The following TPST1 variants were observed in gnomAD, a reference collection of about 807,000 sequenced individuals.
TPST1 encodes protein-tyrosine sulfotransferase 1.
In TPST1, 20 loss-of-function variants were observed where a neutral mutation model predicts 34.8. That is an observed-to-expected ratio of 0.57 (90% confidence interval 0.40 to 0.84). The LOEUF is 0.84. Ranked by LOEUF, TPST1 falls within the 40% of genes least tolerant of loss-of-function variation. The pLI is 0.00. For missense variants in TPST1, 353 were observed against 455.5 expected (o/e 0.78, Z 2.05); for synonymous variants, 152 against 159.4 (o/e 0.95, Z 0.35).
intron 3 of TPST1, among the ~76,000 whole-genome samples, chr7:66,349,895 C>T (rs190309408): frequency 2.6e-4 from 39 of 152,326 alleles, no homozygotes; most frequent in Non-Finnish European, 5.1e-4. Flanking sequence ...TCTTGACCCA[C>T]AGACAATAGG....
At chr7:66,315,624 C>T (rs768220320) in intron 3 of TPST1, among the ~76,000 whole-genome samples, 6 of 152,204 alleles carry the variant, frequency 3.9e-5, no homozygotes, top group South Asian at 4.1e-4. Flanking sequence ...ATCTCTGATG[C>T]GCAAGAACTG....
chr7:66,319,256 T>G (rs554321417), intron 3 of TPST1, among the ~76,000 whole-genome samples: 83 of 152,356 alleles, frequency 5.4e-4, no homozygotes, highest in African/African-American at 1.9e-3. Context: ...TTTCATGTTT[T>G]CTGCCTTCTT....
chr7:66,246,934 T>C (rs980710382), intron 2 of TPST1, among the ~76,000 whole-genome samples: 22 of 152,198 alleles, frequency 1.4e-4, no homozygotes, highest in East Asian at 5.8e-4. Context: ...GAAAAATCAA[T>C]TGGATATTGG....
At chr7:66,294,605 A>G (rs1470612898) in intron 3 of TPST1, among the ~76,000 whole-genome samples, 1 of 151,922 alleles carries the variant, frequency 6.6e-6, no homozygotes, top group Non-Finnish European at 1.5e-5. Context: ...CTTTTTATAT[A>G]TATATAAATA....
intron 2 of TPST1, among the ~76,000 whole-genome samples, chr7:66,244,524 A>G (rs1344980119): frequency 1.3e-5 from 2 of 152,170 alleles, no homozygotes; most frequent in Admixed American, 1.3e-4. Context: ...TGTTCCAGTT[A>G]CAGAAAAGTC....
At chr7:66,263,125 T>TA (rs569475161) in intron 2 of TPST1, among the ~76,000 whole-genome samples, 26 of 150,994 alleles carry the variant, frequency 1.7e-4, no homozygotes, top group African/African-American at 5.8e-4. Flanking sequence ...AATAAAAAAA[T>TA]AAAAAAATAA....
chr7:66,242,792 G>A (rs1790063472), intron 2 of TPST1, among the ~76,000 whole-genome samples: 1 of 152,132 alleles, frequency 6.6e-6, no homozygotes. Context: ...TAATCAGGAA[G>A]AGAACATTTT....
intron 2 of TPST1, among the ~76,000 whole-genome samples, chr7:66,278,166 T>TG (rs1790858435): frequency 6.8e-6 from 1 of 146,724 alleles, no homozygotes; most frequent in Non-Finnish European, 1.5e-5. Flanking sequence ...TGCTTGGACT[T>TG]GGGGAGCAGC....
At chr7:66,328,400 G>C (rs1791915551) in intron 3 of TPST1, among the ~76,000 whole-genome samples, 1 of 152,126 alleles carries the variant, frequency 6.6e-6, no homozygotes, top group Non-Finnish European at 1.5e-5. Context: ...TTGTGTGGCT[G>C]CATTTGCCCT....
chr7:66,226,139 A>G (rs1202543846), intron 1 of TPST1, among the ~76,000 whole-genome samples: 1 of 152,002 alleles, frequency 6.6e-6, no homozygotes, highest in Non-Finnish European at 1.5e-5. Context: ...CGCCCGCCTC[A>G]GCCTCCCAAA....
At chr7:66,330,358 G>A (rs1158781497) in intron 3 of TPST1, among the ~76,000 whole-genome samples, 1 of 152,192 alleles carries the variant, frequency 6.6e-6, no homozygotes, top group Non-Finnish European at 1.5e-5. Flanking sequence ...CACACTGCTA[G>A]TGTTGAAGAT....
At chr7:66,334,561 G>A (rs1336301460) in intron 3 of TPST1, among the ~76,000 whole-genome samples, 2 of 150,628 alleles carry the variant, frequency 1.3e-5, no homozygotes, top group African/African-American at 4.9e-5. Flanking sequence ...GCTTGAACTC[G>A]GGAGTTGGAG....
chr7:66,224,586 G>T (rs1464522696), intron 1 of TPST1, among the ~76,000 whole-genome samples: 1 of 152,196 alleles, frequency 6.6e-6, no homozygotes, highest in Non-Finnish European at 1.5e-5. Context: ...TCTTGAGTGT[G>T]TGTACCTGGG....
intron 1 of TPST1, among the ~76,000 whole-genome samples, chr7:66,221,833 A>G (rs1038527612): frequency 6.6e-6 from 1 of 152,132 alleles, no homozygotes; most frequent in African/African-American, 2.4e-5. Context: ...TTTCTTTCCA[A>G]AGACTTGGAA....
At chr7:66,303,947 G>A (rs1010984397) in intron 3 of TPST1, among the ~76,000 whole-genome samples, 5 of 152,170 alleles carry the variant, frequency 3.3e-5, no homozygotes, top group East Asian at 1.9e-4. Flanking sequence ...GGATTCTGCC[G>A]TAGGTGAGAA....
chr7:66,342,645 C>T (rs531245843), intron 3 of TPST1, among the ~76,000 whole-genome samples: 2 of 152,120 alleles, frequency 1.3e-5, no homozygotes, highest in Non-Finnish European at 2.9e-5. Flanking sequence ...GGTGAGGCCT[C>T]AGGAAGCTTT....
chr7:66,220,617 C>G (rs1291692695), intron 1 of TPST1, among the ~76,000 whole-genome samples: 2 of 110,642 alleles, frequency 1.8e-5, no homozygotes, highest in Non-Finnish European at 3.3e-5. Context: ...TGCGGAGGCT[C>G]AAACAAGGAA....
At position 66,278,091 on chromosome 7, in the gene TPST1, A is replaced by T. The variant is rs964746765; in HGVS notation, c.846-8420A>T. 4.2e-5 allele frequency among the ~76,000 whole-genome samples: 4 copies of T among 95,666 alleles called. No individual in the cohort carries two copies. In the East Asian group the frequency reaches 9.6e-4, roughly 23 times the overall value. The allele number at this position is 95,666 out of a possible 152,430, so 62.8% of individuals were successfully genotyped here. A position where few individuals can be genotyped will look rare whatever the true frequency, so the allele number is the denominator to read the frequency against. Reference sequence around the variant, plus strand: ...CTCCAGCCTGGGCAACAAGAATGTGACTCCATCTCAAAAAAAAAAAAAAAA... The same window carrying T: ...CTCCAGCCTGGGCAACAAGAATGTGTCTCCATCTCAAAAAAAAAAAAAAAA... On this transcript the variant is annotated intron_variant, in intron 2 of 5. Transcript: ENST00000304842.
chr7:66,240,623 C>CA lies in TPST1; in HGVS notation c.201dup (p.Asp68ArgfsTer27), dbSNP rs1200902584. On this transcript the variant is annotated frameshift_variant, in exon 2 of 6. Transcript: ENST00000304842. LOFTEE classifies it high-confidence loss of function. ...AAGCCAACAAAACCTTTGCCTATCA[C>CA]AAAGATATGCCTTTAATATTTATTG... 6.2e-7 allele frequency: 1 copy of CA among 1,614,194 alleles called. No individual in the cohort carries two copies. The highest frequency in any genetic ancestry group is 8.5e-7 in the Non-Finnish European group (1 of 1,180,032).
Sources: allele counts gnomAD v4.1 joint callset (sites outside exome capture counted in the v4.1 genomes callset), GRCh38; gene constraint gnomAD v4.1.1; transcripts MANE v1.5; gene names NCBI Gene and HGNC (gene_info 2026-07-23, HGNC 2026-07-21).